Variants in UNC5D observed in about 807,000 individuals in gnomAD.
UNC5D encodes the protein netrin receptor UNC5D.
A neutral mutation model predicts 105.4 loss-of-function variants in UNC5D; 39 were observed. The ratio of observed to expected loss-of-function variants is 0.37; its 90% CI spans 0.29 to 0.48. The LOEUF is 0.48. UNC5D is among the 20% of genes least tolerant of loss of function. The pLI, the probability that UNC5D is intolerant of heterozygous loss-of-function variation, is 0.98. For missense variants in UNC5D, 991 were observed against 1,202.4 expected, an observed-to-expected ratio of 0.82 and a Z score of 2.60; for synonymous variants, 452 against 450.4, an observed-to-expected ratio of 1.00 and a Z score of -0.04.
At chr8:35,287,598 A>G (rs1340990782) in intron 1 of UNC5D, among the ~76,000 whole-genome samples, 1 of 151,838 alleles carries the variant, frequency 6.6e-6, no homozygotes, top group Non-Finnish European at 1.5e-5. Context: ...GTTCAAGACC[A>G]GACTAAGCAA....
intron 1 of UNC5D, among the ~76,000 whole-genome samples, chr8:35,479,543 G>A (rs552929062): frequency 6.6e-6 from 1 of 152,178 alleles, no homozygotes; most frequent in East Asian, 1.9e-4. Flanking sequence ...CAACCAAGAT[G>A]CCCATCAACA....
intron 3 of UNC5D, among the ~76,000 whole-genome samples, chr8:35,587,283 A>AACACAC (rs35992580): frequency 2.0e-5 from 3 of 150,104 alleles, no homozygotes; most frequent in African/African-American, 4.9e-5. Context: ...GTACCATTCA[A>AACACAC]ACACACACAC....
intron 3 of UNC5D, among the ~76,000 whole-genome samples, chr8:35,583,706 T>C (rs1164680072): frequency 3.3e-5 from 5 of 152,170 alleles, no homozygotes; most frequent in African/African-American, 7.2e-5. Flanking sequence ...TTTAATGCCT[T>C]GAAAACAAGG....
At chr8:35,317,919 G>A (rs541202203) in intron 1 of UNC5D, among the ~76,000 whole-genome samples, 5 of 90,224 alleles carry the variant, frequency 5.5e-5, no homozygotes, top group African/African-American at 1.5e-4. Flanking sequence ...TCGGTATGAG[G>A]ACAGGCACTG....
At chr8:35,528,529 C>G (rs1261060044) in intron 1 of UNC5D, among the ~76,000 whole-genome samples, 1 of 146,186 alleles carries the variant, frequency 6.8e-6, no homozygotes. Context: ...GTCTTTATAG[C>G]AGCATGATTT....
intron 1 of UNC5D, among the ~76,000 whole-genome samples, chr8:35,267,317 A>G (rs1477990470): frequency 2.0e-5 from 3 of 152,136 alleles, no homozygotes; most frequent in Non-Finnish European, 4.4e-5. Context: ...TCAACCACAT[A>G]GGCACAAAGA....
intron 4 of UNC5D, among the ~76,000 whole-genome samples, chr8:35,644,417 G>C (rs898767809): frequency 6.6e-6 from 1 of 152,102 alleles, no homozygotes; most frequent in Non-Finnish European, 1.5e-5. Flanking sequence ...TAGCTTAGTC[G>C]ATTTCTGCTG....
At chr8:35,458,940 G>T (rs912528751) in intron 1 of UNC5D, among the ~76,000 whole-genome samples, 1 of 152,154 alleles carries the variant, frequency 6.6e-6, no homozygotes, top group East Asian at 1.9e-4. Context: ...CTCTGTAGTG[G>T]ATGCAGTGGC....
At chr8:35,513,338 C>T (rs1433946765) in intron 1 of UNC5D, among the ~76,000 whole-genome samples, 1 of 151,538 alleles carries the variant, frequency 6.6e-6, no homozygotes, top group Non-Finnish European at 1.5e-5. Context: ...AAGTGATTCT[C>T]CTGCCTCAGC....
At chr8:35,457,178 T>A (rs554181010) in intron 1 of UNC5D, among the ~76,000 whole-genome samples, 24 of 151,568 alleles carry the variant, frequency 1.6e-4, no homozygotes, top group African/African-American at 5.6e-4. Flanking sequence ...TTAATTCTTC[T>A]CTTTCTTTTT....
Position 35,366,403 on chromosome 8 carries a change from C to T in UNC5D, c.103+130516C>T, listed in dbSNP as rs561463162. Among the ~76,000 whole-genome samples the T allele has an allele frequency of 2.6e-5, 4 of 152,214 alleles. No homozygotes were observed. The East Asian group carries it at 7.7e-4, about 29-fold the overall frequency. ...CCAAACATAAGCCACCTTATTTTGG[C>T]TAATTACACTCGGTCTTCAGGTCTC... On this transcript the variant is annotated intron_variant, in intron 1 of 16. Transcript: ENST00000404895.
At chr8:35,635,474 G>A (rs1822310868) in intron 4 of UNC5D, among the ~76,000 whole-genome samples, 1 of 152,174 alleles carries the variant, frequency 6.6e-6, no homozygotes, top group African/African-American at 2.4e-5. Context: ...CTTTGAAGCA[G>A]TTCAGCTCTT....
chr8:35,657,634 G>A (rs1169110470), intron 4 of UNC5D, among the ~76,000 whole-genome samples: 1 of 152,068 alleles, frequency 6.6e-6, no homozygotes, highest in Non-Finnish European at 1.5e-5. Context: ...ACAAGCATGT[G>A]CCACCATGCC....
At chr8:35,267,452 G>A (rs1310995402) in intron 1 of UNC5D, among the ~76,000 whole-genome samples, 2 of 152,008 alleles carry the variant, frequency 1.3e-5, no homozygotes, top group Non-Finnish European at 2.9e-5. Flanking sequence ...TGTTGTTATT[G>A]TTTTGAGATG....
intron 4 of UNC5D, among the ~76,000 whole-genome samples, chr8:35,602,122 C>CGAAAAT (rs1819931907): frequency 6.6e-6 from 1 of 152,266 alleles, no homozygotes; most frequent in East Asian, 1.9e-4. Flanking sequence ...GTATGTTGAA[C>CGAAAAT]CAGTCTGGCA....
chr8:35,394,947 C>G (rs892300810), intron 1 of UNC5D, among the ~76,000 whole-genome samples: 53 of 152,278 alleles, frequency 3.5e-4, no homozygotes, highest in Admixed American at 2.4e-3. Context: ...GTGCCCAGTG[C>G]TTGACACCTA....
intron 2 of UNC5D, among the ~76,000 whole-genome samples, chr8:35,554,293 T>C (rs904713497): frequency 6.6e-6 from 1 of 152,228 alleles, no homozygotes; most frequent in African/African-American, 2.4e-5. Flanking sequence ...CTAGAGTTCT[T>C]TCCTGCAAAA....
chr8:35,665,296 C>G (rs1824354927), intron 4 of UNC5D, among the ~76,000 whole-genome samples: 1 of 152,216 alleles, frequency 6.6e-6, no homozygotes, highest in South Asian at 2.1e-4. Flanking sequence ...TTACCTGTCA[C>G]TGTCTGCCTT....
chr8:35,685,018 T>C (rs1825914588), intron 6 of UNC5D, among the ~76,000 whole-genome samples: 1 of 152,242 alleles, frequency 6.6e-6, no homozygotes, highest in Non-Finnish European at 1.5e-5. Flanking sequence ...AGTCTTGTTA[T>C]ACTGCTAGCA....
Sources: allele counts gnomAD v4.1 joint callset (sites outside exome capture counted in the v4.1 genomes callset), GRCh38; gene constraint gnomAD v4.1.1; transcripts MANE v1.5; gene names NCBI Gene and HGNC (gene_info 2026-07-23, HGNC 2026-07-21).